Variants in HAL observed in about 807,000 individuals in gnomAD.
HAL encodes histidase.
A neutral mutation model predicts 81.1 loss-of-function variants in HAL; 85 were observed. The ratio of observed to expected loss-of-function variants is 1.05; its 90% confidence interval spans 0.88 to 1.25. The LOEUF is 1.25. HAL is among the 50% of genes most tolerant of loss of function. The probability of loss-of-function intolerance (pLI) is 0.00; values close to 1 mark genes in which losing one functional copy is unlikely to be tolerated. For missense variants in HAL, 798 were observed against 836.6 expected, an observed-to-expected ratio of 0.95 and a Z score of 0.57; for synonymous variants, 301 against 309.2, an observed-to-expected ratio of 0.97 and a Z score of 0.28.
chr12:95,991,863 T>C (rs920799655), intron 9 of HAL, among the ~76,000 whole-genome samples: 2 of 152,224 alleles, frequency 1.3e-5, no homozygotes, highest in Non-Finnish European at 2.9e-5. Flanking sequence ...CAGCCCTGTA[T>C]ATACAATAGA....
chr12:95,992,517 C>T (rs371272197), intron 9 of HAL, among the ~76,000 whole-genome samples, 163 bp downstream of exon 9: 62 of 152,216 alleles, frequency 4.1e-4, no homozygotes, highest in African/African-American at 1.4e-3. Context: ...ACTTTCTCCT[C>T]TTCCCCCATC....
chr12:95,991,424 G>A (rs1419933773), intron 9 of HAL, among the ~76,000 whole-genome samples: 2 of 152,146 alleles, frequency 1.3e-5, no homozygotes, highest in African/African-American at 4.8e-5. Flanking sequence ...GAAGGAGGTG[G>A]TGCACCAAAG....
At chr12:95,980,915 A>G (rs1429668544) in intron 15 of HAL, 52 bp from the exon 16 acceptor site, 3 of 1,030,006 alleles carry the variant, frequency 2.9e-6, no homozygotes, top group East Asian at 4.7e-5. Context: ...CACTTCAAGT[A>G]CAACCCCTTC....
chr12:95,993,872 C>T, intron 6 of HAL, 34 bp from the exon 7 acceptor site: 1 of 1,476,402 alleles, frequency 6.8e-7, no homozygotes, highest in Non-Finnish European at 9.5e-7. Flanking sequence ...CAATTAAATG[C>T]AGGGATTTTT....
chr12:95,994,230 C>A, intron 4 of HAL, 66 bp from the exon 5 acceptor site: 1 of 1,041,894 alleles, frequency 9.6e-7, no homozygotes, highest in South Asian at 1.3e-5. Context: ...AGTAGGGACA[C>A]CTCCAACAGA....
At position 95,985,935 on chromosome 12, in the gene HAL, A is replaced by G. The variant is rs771807566; in HGVS notation, c.1179T>C (p.Asp393=). 6.2e-7 allele frequency: 1 copy of G among 1,611,516 alleles called. No homozygotes were observed. Among genetic ancestry groups the G allele is most frequent in the Admixed American group, 1.7e-5 (1 of 59,822 alleles). Residue 393 remains aspartate (D), a synonymous_variant, in exon 14 of 21, where the codon GAT becomes GAC. Transcript: ENST00000261208. Reference sequence around the variant, plus strand: ...GTGGACAGCAGCGCAAGGTGTATGCATCCTGGACGCGATCACAGAACCTGT... The same window carrying G: ...GTGGACAGCAGCGCAAGGTGTATGCGTCCTGGACGCGATCACAGAACCTGT... The part of the protein sequence containing the change: ...ESHRFCDRVQ[D]AYTLRCCPQV...
chr12:95,987,294 T>A, intron 11 of HAL, 80 bp from the exon 12 acceptor site: 1 of 1,209,682 alleles, frequency 8.3e-7, no homozygotes, highest in Non-Finnish European at 1.2e-6. Context: ...ATCTTTTGCT[T>A]TCATAAGAGA....
chr12:95,987,413 G>A (rs576835598), intron 11 of HAL, among the ~76,000 whole-genome samples, 199 bp from the exon 12 acceptor site: 34 of 152,304 alleles, frequency 2.2e-4, no homozygotes, highest in South Asian at 1.0e-3. Context: ...ATGTGAACTC[G>A]TAAGCACAAA....
At chr12:95,989,178 C>A (rs1286735909) in intron 10 of HAL, among the ~76,000 whole-genome samples, 2 of 152,062 alleles carry the variant, frequency 1.3e-5, no homozygotes, top group Non-Finnish European at 2.9e-5. Context: ...TCTTAGAGGG[C>A]TTTTCTATTT....
At position 95,985,804 on chromosome 12, in the gene HAL, G is replaced by A. The variant is rs981986154; in HGVS notation, c.1206+104C>T. ...TTTGGACTATAGTTGACCATTACAT[G>A]TTTTTCTAACACTTTCCTATTTTAA... On this transcript the variant is annotated intron_variant, in intron 14 of 20. Transcript: ENST00000261208. 29 of 766,920 alleles carry A rather than the reference G, an allele frequency of 3.8e-5. 1 individual carries two copies. The East Asian group carries it at 5.1e-4, about 13-fold the overall frequency. 47.5% of individuals were successfully genotyped at this position (766,920 alleles called of 1,614,324 possible).
In HAL at chr12:95,976,599, T is replaced by C; in HGVS notation, c.1762A>G (p.Arg588Gly). The change falls in exon 19 of 21, where the codon AGG (arginine) becomes GGG (glycine). Residue 588 changes from arginine (R) to glycine (G), a missense_variant and splice_region_variant. Transcript: ENST00000261208. ...KVYDLVRSVV[R>G]PWIKDRFMAP... ...TTTCAGAGACCTGTTTGATCTTACC[T>C]TACAACAGAGCGCACCAGGTCATAG... 1 of 1,604,602 alleles carries C rather than the reference T, an allele frequency of 6.2e-7. No homozygotes were observed. Among genetic ancestry groups the C allele is most frequent in the South Asian group, 1.1e-5 (1 of 90,906 alleles).
chr12:95,981,204 A>G (rs1346774893), intron 15 of HAL, among the ~76,000 whole-genome samples: 1 of 152,220 alleles, frequency 6.6e-6, no homozygotes, highest in African/African-American at 2.4e-5. Context: ...AACAGAGACC[A>G]ACACATCTGT....
intron 8 of HAL, 49 bp from the exon 9 acceptor site, chr12:95,992,854 G>C (rs771313655): frequency 3.8e-6 from 6 of 1,559,464 alleles, no homozygotes; most frequent in Non-Finnish European, 5.3e-6. Context: ...ACTCCTTTTT[G>C]TCTCCTGACA....
chr12:95,985,978 G>A lies in HAL; in HGVS notation c.1148-12C>T. The A allele has an allele frequency of 2.5e-6, 4 of 1,609,224 alleles. No individual in the cohort carries two copies. The East Asian group carries it at 8.9e-5, about 36-fold the overall frequency. On this transcript the variant is annotated splice_polypyrimidine_tract_variant and intron_variant, in intron 13 of 20. Transcript: ENST00000261208. ...GAACCTGTGACTCTCTGTGGAAGAGGTGGAGGGGATGAGACAGGGATCATG... is the reference window on the plus strand; with the variant it reads ...GAACCTGTGACTCTCTGTGGAAGAGATGGAGGGGATGAGACAGGGATCATG...
In HAL at chr12:95,994,010, T is replaced by C; in HGVS notation, c.412-12A>G. On this transcript the variant is annotated splice_polypyrimidine_tract_variant and intron_variant, in intron 5 of 20. Coordinates refer to ENST00000261208, the MANE Select transcript of HAL (RefSeq NM_002108.4). ...GCTGTTGGGGTGAGCTAGGAAAATG[T>C]TGATCAGAACTGAGCACGTTAAAGA... 3 of 1,610,840 alleles carry C rather than the reference T, an allele frequency of 1.9e-6. No homozygotes were observed. The highest frequency in any genetic ancestry group is 2.5e-6 in the Non-Finnish European group (3 of 1,177,010).
At chr12:95,986,389 C>A (rs1949889140) in intron 12 of HAL, among the ~76,000 whole-genome samples, 1 of 152,104 alleles carries the variant, frequency 6.6e-6, no homozygotes, top group African/African-American at 2.4e-5. Context: ...ATCTACGGTG[C>A]TGACACAGCC....
chr12:95,992,933 A>G (rs1167641081), intron 8 of HAL, 128 bp from the exon 9 acceptor site: 2 of 834,978 alleles, frequency 2.4e-6, no homozygotes, highest in Non-Finnish European at 4.0e-6. Context: ...CTCTCGGCTC[A>G]GGTAGTTGGA....
intron 14 of HAL, 66 bp downstream of exon 14, chr12:95,985,842 T>C: frequency 9.2e-7 from 1 of 1,090,484 alleles, no homozygotes; most frequent in Non-Finnish European, 1.4e-6. Context: ...TTTTTCATCC[T>C]GAACCTGGGG....
intron 20 of HAL, 73 bp from the exon 21 acceptor site, chr12:95,974,445 A>C: frequency 7.4e-7 from 1 of 1,353,970 alleles, no homozygotes; most frequent in Non-Finnish European, 1.1e-6. Context: ...CATCAACTTC[A>C]TCCGAAGTCA....
Sources: gnomAD v4.1 joint callset for allele counts (sites outside exome capture counted in the v4.1 genomes callset) on GRCh38, gnomAD v4.1.1 for gene constraint, MANE v1.5 for transcripts, NCBI Gene and HGNC (gene_info 2026-07-23, HGNC 2026-07-21) for gene names.